DSCAML1: variants seen among roughly 807,000 people sequenced by gnomAD.
DSCAML1 encodes the protein DS cell adhesion molecule like 1.
DSCAML1 carries 38 observed loss-of-function variants against 200.5 expected under a neutral mutation model. That is an observed-to-expected ratio of 0.19 (90% CI 0.15 to 0.25). The LOEUF is 0.25. Among genes scored for constraint, DSCAML1 ranks in the 10% least tolerant of loss-of-function variants. The pLI is 1.00. For missense variants in DSCAML1, 2,223 were observed against 2,858.8 expected, an observed-to-expected ratio of 0.78 and a Z score of 5.07; for synonymous variants, 1,215 against 1,165.0, an observed-to-expected ratio of 1.04 and a Z score of -0.87.
At chr11:117,610,392 T>A (rs774229803) in intron 3 of DSCAML1, among the ~76,000 whole-genome samples, 3 of 152,140 alleles carry the variant, frequency 2.0e-5, no homozygotes, top group Non-Finnish European at 4.4e-5. Context: ...AGAAGGGTGG[T>A]GCAGATTCTT....
chr11:117,637,548 T>C (rs2052317586), intron 3 of DSCAML1, among the ~76,000 whole-genome samples: 1 of 152,138 alleles, frequency 6.6e-6, no homozygotes, highest in African/African-American at 2.4e-5. Flanking sequence ...GGTTTCACCA[T>C]GTTGGTCAGT....
At chr11:117,526,649 C>T (rs1361515949) in intron 4 of DSCAML1, among the ~76,000 whole-genome samples, 6 of 152,098 alleles carry the variant, frequency 3.9e-5, no homozygotes, top group Non-Finnish European at 8.8e-5. Context: ...TCCCAAGAAG[C>T]TGGGATTACA....
intron 3 of DSCAML1, among the ~76,000 whole-genome samples, chr11:117,599,001 C>T (rs564270450): frequency 3.3e-5 from 5 of 152,294 alleles, no homozygotes; most frequent in East Asian, 3.9e-4. Flanking sequence ...ACTAATGCAG[C>T]GGAATTACAG....
chr11:117,738,243 A>C (rs2054356795), intron 3 of DSCAML1, among the ~76,000 whole-genome samples: 1 of 152,006 alleles, frequency 6.6e-6, no homozygotes, highest in South Asian at 2.1e-4. Context: ...TTCTGCCAGC[A>C]CTCCAGCGAT....
At chr11:117,678,125 G>A (rs1191481978) in intron 3 of DSCAML1, among the ~76,000 whole-genome samples, 6 of 152,290 alleles carry the variant, frequency 3.9e-5, no homozygotes, top group Admixed American at 3.3e-4. Flanking sequence ...TGACAAGCTC[G>A]CTCTACCAGC....
intron 20 of DSCAML1, among the ~76,000 whole-genome samples, chr11:117,445,617 T>C (rs987758987): frequency 6.6e-6 from 1 of 152,230 alleles, no homozygotes; most frequent in African/African-American, 2.4e-5. Flanking sequence ...GCACGTCCTT[T>C]GTAAACTAGG....
rs749460318 is a variant in DSCAML1, at chr11:117,444,054, C to G, written c.3709-15G>C. ...TCGCTGGGAGCCTGCGGGGCAGAGG[C>G]AAAGAGGCTCTAAGAAGCAGAACTG... On this transcript the variant is annotated splice_polypyrimidine_tract_variant and intron_variant, in intron 20 of 32. Coordinates refer to ENST00000651296, the MANE Select transcript of DSCAML1 (RefSeq NM_020693.4). 2 of 1,602,080 alleles carry G rather than the reference C, an allele frequency of 1.2e-6. No individual in the cohort carries two copies. Among genetic ancestry groups the G allele is most frequent in the Non-Finnish European group, 1.7e-6 (2 of 1,172,236 alleles).
intron 3 of DSCAML1, among the ~76,000 whole-genome samples, chr11:117,737,169 G>C (rs4245175): frequency 0.98 from 149,297 of 152,326 alleles, 73,240 homozygotes; most frequent in Middle Eastern, 1. Context: ...TCCATTCAAG[G>C]TGCTTTAAAC....
At chr11:117,672,415 G>A (rs2053129958) in intron 3 of DSCAML1, among the ~76,000 whole-genome samples, 1 of 151,866 alleles carries the variant, frequency 6.6e-6, no homozygotes, top group African/African-American at 2.4e-5. Flanking sequence ...CAAACACATG[G>A]CTTTCCTATT....
intron 3 of DSCAML1, among the ~76,000 whole-genome samples, chr11:117,579,659 T>G (rs961810817): frequency 5.3e-5 from 8 of 152,262 alleles, no homozygotes; most frequent in Non-Finnish European, 1.0e-4. Context: ...CGTGACGATA[T>G]TTTTCTGGCT....
At chr11:117,560,585 A>T (rs1294518549) in intron 3 of DSCAML1, among the ~76,000 whole-genome samples, 5 of 152,148 alleles carry the variant, frequency 3.3e-5, no homozygotes, top group Admixed American at 3.3e-4. Context: ...TCTCTCTGGG[A>T]CCTTGTTAGG....
intron 8 of DSCAML1, among the ~76,000 whole-genome samples, chr11:117,506,874 C>T (rs578111732): frequency 6.6e-6 from 1 of 152,302 alleles, no homozygotes; most frequent in Non-Finnish European, 1.5e-5. Flanking sequence ...TGTAGGTGAG[C>T]TTCCTTGGGT....
At chr11:117,792,551 T>C (rs2055489943) in intron 1 of DSCAML1, among the ~76,000 whole-genome samples, 1 of 150,720 alleles carries the variant, frequency 6.6e-6, no homozygotes, top group Non-Finnish European at 1.5e-5. Flanking sequence ...GCTGGTGCTA[T>C]ATCTTTCATC....
rs545226959 is a variant in DSCAML1 at position 117,534,503 on chromosome 11, G to A, written c.512-1981C>T. On this transcript the variant is annotated intron_variant, in intron 3 of 32. Coordinates refer to ENST00000651296, the MANE Select transcript of DSCAML1 (RefSeq NM_020693.4). ...TCCTGCTTTGACTCACTGGTGCCCC[G>A]CTGAACCAGCCGAAACCCGTGTTCC... 3.3e-5 allele frequency among the ~76,000 whole-genome samples: 5 copies of A among 152,296 alleles called. 1 individual carries two copies. Among genetic ancestry groups the A allele is most frequent in the African/African-American group, 7.2e-5 (3 of 41,568 alleles).
intron 3 of DSCAML1, among the ~76,000 whole-genome samples, chr11:117,669,637 C>A (rs552266153): frequency 1.3e-5 from 2 of 152,252 alleles, no homozygotes; most frequent in South Asian, 2.1e-4. Flanking sequence ...AGGTAGAAAC[C>A]AGGAAGAAAG....
At chr11:117,519,030 G>A (rs1487722730) in intron 6 of DSCAML1, among the ~76,000 whole-genome samples, 1 of 152,166 alleles carries the variant, frequency 6.6e-6, no homozygotes, top group Non-Finnish European at 1.5e-5. Flanking sequence ...TGAGTCTTTT[G>A]TCTCATGGAC....
intron 3 of DSCAML1, among the ~76,000 whole-genome samples, chr11:117,713,327 G>A (rs1253012938): frequency 6.6e-6 from 1 of 152,154 alleles, no homozygotes; most frequent in Non-Finnish European, 1.5e-5. Context: ...TGTTGGCCAG[G>A]CTGGTCTTGA....
At chr11:117,754,042 C>T (rs2054644778) in intron 3 of DSCAML1, among the ~76,000 whole-genome samples, 1 of 152,140 alleles carries the variant, frequency 6.6e-6, no homozygotes, top group Admixed American at 6.5e-5. Flanking sequence ...GGAGAGGCAG[C>T]AAGAAAAGAT....
chr11:117,527,131 C>T (rs548059838), intron 4 of DSCAML1, among the ~76,000 whole-genome samples: 7 of 152,334 alleles, frequency 4.6e-5, no homozygotes, highest in Admixed American at 3.9e-4. Context: ...TACTGTACTC[C>T]ATCCTGGGCA....
Sources: gnomAD v4.1 joint callset for allele counts (sites outside exome capture counted in the v4.1 genomes callset) on GRCh38, gnomAD v4.1.1 for gene constraint, MANE v1.5 for transcripts, NCBI Gene and HGNC (gene_info 2026-07-23, HGNC 2026-07-21) for gene names.